The following DCPH1 variants were observed in gnomAD, a reference collection of about 807,000 sequenced individuals.
DCPH1 encodes the protein damage-control phosphatase 1.
At chr6:151,468,037 C>G in the DCPH1 span, among the ~76,000 whole-genome samples, 1 of 152,196 alleles carries the variant, frequency 6.6e-6, no homozygotes, top group Non-Finnish European at 1.5e-5. Flanking sequence ...CGATGATGTT[C>G]TAATATCTGC....
the DCPH1 span, among the ~76,000 whole-genome samples, chr6:151,462,515 A>G: frequency 6.6e-6 from 1 of 151,886 alleles, no homozygotes; most frequent in Non-Finnish European, 1.5e-5. Context: ...ATTATAGATC[A>G]TTCATTCTCA....
At chr6:151,453,390 A>G in the DCPH1 span, among the ~76,000 whole-genome samples, 1 of 152,246 alleles carries the variant, frequency 6.6e-6, no homozygotes. Flanking sequence ...TACTATACCT[A>G]CTGCCTGGGA....
the DCPH1 span, among the ~76,000 whole-genome samples, chr6:151,457,494 C>G: frequency 6.6e-6 from 1 of 152,140 alleles, no homozygotes; most frequent in African/African-American, 2.4e-5. Context: ...AGGGGGAGTT[C>G]CTCTCAAAAC....
the DCPH1 span, chr6:151,464,760 T>G: frequency 1.8e-6 from 1 of 570,142 alleles, no homozygotes; most frequent in Middle Eastern, 4.8e-4. Context: ...GAAAATCCAT[T>G]TAATTGCTAG....
chr6:151,453,678 A>G, the DCPH1 span, among the ~76,000 whole-genome samples: 1 of 152,228 alleles, frequency 6.6e-6, no homozygotes, highest in East Asian at 1.9e-4. Context: ...TGATCTGGAG[A>G]TAAAAACACT....
At chr6:151,469,280 C>G in the DCPH1 span, 1 of 526,774 alleles carries the variant, frequency 1.9e-6, no homozygotes, top group Non-Finnish European at 3.3e-6. Context: ...GAACATTTTG[C>G]CCCACTACAC....
chr6:151,462,362 C>G, the DCPH1 span, among the ~76,000 whole-genome samples: 1 of 152,186 alleles, frequency 6.6e-6, no homozygotes, highest in Non-Finnish European at 1.5e-5. Flanking sequence ...CATTACTCCT[C>G]AAGGATAACC....
the DCPH1 span, among the ~76,000 whole-genome samples, chr6:151,456,169 T>A: frequency 6.6e-6 from 1 of 152,258 alleles, no homozygotes; most frequent in Non-Finnish European, 1.5e-5. Context: ...ATCTGATCTC[T>A]CTTGCTTTTC....
the DCPH1 span, chr6:151,469,250 C>T: frequency 6.6e-6 from 4 of 610,364 alleles, no homozygotes; most frequent in African/African-American, 5.6e-5. Flanking sequence ...CATCTACGTG[C>T]ACTGGATGAT....
chr6:151,452,545 G>A, the DCPH1 span: 13 of 1,611,906 alleles, frequency 8.1e-6, no homozygotes, highest in Admixed American at 5.0e-5. Flanking sequence ...CGCGGAAAGT[G>A]ATGGCTGTCG....
At chr6:151,460,823 A>G in the DCPH1 span, among the ~76,000 whole-genome samples, 1 of 152,010 alleles carries the variant, frequency 6.6e-6, no homozygotes, top group Non-Finnish European at 1.5e-5. Flanking sequence ...ACTCCGGTGC[A>G]CTGCTTGGCA....
the DCPH1 span, chr6:151,458,356 T>G: frequency 2.5e-6 from 4 of 1,613,074 alleles, no homozygotes; most frequent in Admixed American, 5.0e-5. Context: ...AAGAAAGCTA[T>G]CTCTCTCCTT....
the DCPH1 span, among the ~76,000 whole-genome samples, chr6:151,453,015 T>C: frequency 6.7e-4 from 102 of 152,392 alleles, no homozygotes; most frequent in African/African-American, 2.3e-3. Flanking sequence ...GTCACGCTAC[T>C]GATTCTTGGG....
the DCPH1 span, among the ~76,000 whole-genome samples, chr6:151,453,694 G>A: frequency 6.6e-6 from 1 of 152,272 alleles, no homozygotes; most frequent in African/African-American, 2.4e-5. Context: ...ACACTAGTCA[G>A]CTAAGCTCTG....
chr6:151,455,576 G>C, the DCPH1 span, among the ~76,000 whole-genome samples: 1 of 152,328 alleles, frequency 6.6e-6, no homozygotes, highest in Non-Finnish European at 1.5e-5. Context: ...ATTGCTGCCC[G>C]CATGTCCCAC....
chr6:151,454,760 G>A, the DCPH1 span: 2 of 584,876 alleles, frequency 3.4e-6, no homozygotes, highest in African/African-American at 3.9e-5. Context: ...TCAATAGATG[G>A]GCCAAGTATT....
chr6:151,454,523 T>C, the DCPH1 span: 1 of 1,093,156 alleles, frequency 9.1e-7, no homozygotes, highest in Non-Finnish European at 1.4e-6. Flanking sequence ...TGCTAAGTTA[T>C]ATATTGCATG....
the DCPH1 span, among the ~76,000 whole-genome samples, chr6:151,466,271 G>T: frequency 6.6e-6 from 1 of 150,966 alleles, no homozygotes; most frequent in Non-Finnish European, 1.5e-5. Context: ...TGTTAACTCT[G>T]CCTTATGCTT....
chr6:151,464,469 T>G, the DCPH1 span: 11 of 1,606,724 alleles, frequency 6.8e-6, no homozygotes, highest in African/African-American at 1.3e-5. Context: ...AATCGATTAC[T>G]TTGATGTATT....
Sources: allele counts gnomAD v4.1 joint callset (sites outside exome capture counted in the v4.1 genomes callset), GRCh38; gene constraint gnomAD v4.1.1; transcripts MANE v1.5; gene names NCBI Gene and HGNC (gene_info 2026-07-23, HGNC 2026-07-21).